The following NAV2 variants were observed in gnomAD, a reference collection of about 807,000 sequenced individuals.
NAV2 encodes helicase, APC down-regulated 1.
NAV2 carries 54 observed loss-of-function variants against 223.2 expected under a neutral mutation model. The ratio of observed to expected loss-of-function variants is 0.24; its 90% CI spans 0.19 to 0.30. The LOEUF (loss-of-function observed/expected upper bound fraction) is 0.30. Ranked by LOEUF, NAV2 falls within the 10% of genes least tolerant of loss-of-function variation. NAV2 has a pLI of 1.00. For synonymous variants in NAV2, 1,279 were observed against 1,239.3 expected (o/e 1.03, Z -0.67); for missense variants, 2,806 against 3,147.5 (o/e 0.89, Z 2.60).
chr11:19,980,144 A>G (rs1177352953), intron 10 of NAV2, among the ~76,000 whole-genome samples: 5 of 152,196 alleles, frequency 3.3e-5, no homozygotes, highest in African/African-American at 1.2e-4. Flanking sequence ...GGGCCACCCC[A>G]GGGAAGCAAG....
intron 25 of NAV2, among the ~76,000 whole-genome samples, chr11:20,082,094 C>T (rs984574364): frequency 1.3e-5 from 2 of 152,134 alleles, no homozygotes; most frequent in Admixed American, 6.6e-5. Context: ...TAACAAGTGA[C>T]ATGGCTAATT....
intron 11 of NAV2, among the ~76,000 whole-genome samples, chr11:20,021,155 G>T (rs1195858289): frequency 1.3e-5 from 2 of 152,028 alleles, no homozygotes; most frequent in African/African-American, 2.4e-5. Flanking sequence ...AGCATTTATT[G>T]CTAATGTACT....
chr11:19,352,774 G>A (rs1853397923), intron 1 of NAV2, among the ~76,000 whole-genome samples: 1 of 152,206 alleles, frequency 6.6e-6, no homozygotes, highest in African/African-American at 2.4e-5. Context: ...GAAACTTTGT[G>A]TAGAAAGAAT....
intron 1 of NAV2, among the ~76,000 whole-genome samples, chr11:19,830,446 G>C (rs1374841196): frequency 6.6e-6 from 1 of 152,180 alleles, no homozygotes; most frequent in African/African-American, 2.4e-5. Context: ...ACCTTGGACA[G>C]GTTACTTTAC....
At position 20,090,896 on chromosome 11, in the gene NAV2, A is replaced by G. The variant is rs769461151; in HGVS notation, c.5530A>G (p.Thr1844Ala). 6.2e-7 allele frequency: 1 copy of G among 1,614,022 alleles called. No individual in the cohort carries two copies. The highest frequency in any genetic ancestry group is 2.2e-5 in the East Asian group (1 of 44,870). Residue 1844 changes from threonine (T) to alanine (A), a missense_variant, in exon 27 of 38, where the codon ACC becomes GCC. By Grantham distance (58) the Thr-to-Ala change is moderately conservative (BLOSUM62 0). Around this residue, in one of 4 missense-constraint regions of NAV2, gnomAD observed 824 missense variants for 1,069.4 expected, o/e 0.77. Coordinates refer to ENST00000349880, the MANE Select transcript of NAV2 (RefSeq NM_145117.5). ...AGAATGCATGGATAGTGAAGCTGAG[A>G]CCGTCATGCAGCTCCGAAATGAGTT... Reference protein sequence around the residue: ...ISECMDSEAETVMQLRNELRD... With the variant: ...ISECMDSEAEAVMQLRNELRD...
chr11:19,928,057 C>T (rs1159545956), intron 6 of NAV2, among the ~76,000 whole-genome samples: 2 of 152,150 alleles, frequency 1.3e-5, no homozygotes, highest in African/African-American at 4.8e-5. Flanking sequence ...CTTATTTGAG[C>T]CTTCTGGTTT....
intron 19 of NAV2, among the ~76,000 whole-genome samples, chr11:20,056,261 T>C (rs1040455651): frequency 6.6e-6 from 1 of 152,234 alleles, no homozygotes; most frequent in African/African-American, 2.4e-5. Context: ...CACAGCTTCT[T>C]GGCATGCGCC....
chr11:20,027,499 G>T (rs559775261), intron 11 of NAV2: 7 of 965,300 alleles, frequency 7.3e-6, no homozygotes, highest in East Asian at 1.1e-4. Context: ...TCACAGCTGC[G>T]CAGTGTGAGC....
intron 11 of NAV2, among the ~76,000 whole-genome samples, chr11:20,011,008 C>T (rs2053520235): frequency 6.6e-6 from 1 of 152,136 alleles, no homozygotes; most frequent in Admixed American, 6.6e-5. Context: ...CAGGCTTTCC[C>T]ATCTCTCTAG....
intron 1 of NAV2, among the ~76,000 whole-genome samples, chr11:19,690,877 C>T (rs564371773): frequency 6.6e-6 from 1 of 152,134 alleles, no homozygotes; most frequent in Non-Finnish European, 1.5e-5. Flanking sequence ...CAAGGCAGAG[C>T]CAGAAGTAGA....
At chr11:19,600,119 A>C (rs1405726104) in intron 1 of NAV2, among the ~76,000 whole-genome samples, 1 of 152,216 alleles carries the variant, frequency 6.6e-6, no homozygotes, top group Admixed American at 6.5e-5. Flanking sequence ...AGCTGGGCTC[A>C]ATCCCACAGG....
At chr11:19,682,271 T>C (rs1245049020) in intron 1 of NAV2, among the ~76,000 whole-genome samples, 1 of 152,230 alleles carries the variant, frequency 6.6e-6, no homozygotes, top group Non-Finnish European at 1.5e-5. Flanking sequence ...TTCCACATGC[T>C]TGGTATGTGC....
intron 5 of NAV2, among the ~76,000 whole-genome samples, chr11:19,888,431 A>G (rs567910961): frequency 2.0e-5 from 3 of 152,326 alleles, no homozygotes; most frequent in Admixed American, 2.0e-4. Flanking sequence ...AATGCTCCAG[A>G]TGGCAGATGC....
chr11:19,996,433 G>T (rs2051895541), intron 11 of NAV2, among the ~76,000 whole-genome samples: 1 of 152,232 alleles, frequency 6.6e-6, no homozygotes, highest in African/African-American at 2.4e-5. Context: ...AAGCCCAAGA[G>T]TGTGGCTCAG....
intron 1 of NAV2, among the ~76,000 whole-genome samples, chr11:19,576,279 C>T (rs1157940975): frequency 6.6e-6 from 1 of 152,196 alleles, no homozygotes; most frequent in African/African-American, 2.4e-5. Context: ...TGTTTTCAAG[C>T]TACTTCAAAC....
rs199625275 is a variant in NAV2 at position 19,823,768 on chromosome 11, C to CA, written c.268-8716_268-8715insA. On this transcript the variant is annotated intron_variant, in intron 1 of 37. Coordinates refer to ENST00000349880, the MANE Select transcript of NAV2 (RefSeq NM_145117.5). ...TGACGTCCCTGGGGCCGGGGCCTGT[C>CA]GGGGACTCGGGGGCTAGGGGAAGGA... Among the ~76,000 whole-genome samples, 998 of 152,156 alleles carry CA rather than the reference C, an allele frequency of 6.6e-3. 14 individuals carry two copies. Among genetic ancestry groups the CA allele is most frequent in the African/African-American group, 0.023 (944 of 41,508 alleles).
intron 1 of NAV2, among the ~76,000 whole-genome samples, chr11:19,654,934 T>A (rs1422627673): frequency 6.6e-6 from 1 of 152,154 alleles, no homozygotes; most frequent in Non-Finnish European, 1.5e-5. Context: ...CAAAAGAAAC[T>A]GCCATCAGAG....
intron 22 of NAV2, 70 bp from the exon 23 acceptor site, chr11:20,077,482 A>C: frequency 8.1e-7 from 1 of 1,228,678 alleles, no homozygotes; most frequent in Non-Finnish European, 1.2e-6. Context: ...TTCATCTTTA[A>C]GAGCCAGACA....
chr11:19,633,533 C>G (rs1003519432), intron 1 of NAV2, among the ~76,000 whole-genome samples: 2 of 152,252 alleles, frequency 1.3e-5, no homozygotes, highest in Non-Finnish European at 2.9e-5. Flanking sequence ...ATCAGGGGAA[C>G]CTGACCCAAC....
Sources: allele counts gnomAD v4.1 joint callset (sites outside exome capture counted in the v4.1 genomes callset), GRCh38; gene constraint gnomAD v4.1.1; regional missense constraint gnomAD v4.1.1; transcripts MANE v1.5; gene names NCBI Gene and HGNC (gene_info 2026-07-23, HGNC 2026-07-21).